Variants in KIAA1217 observed in about 807,000 individuals in gnomAD.
KIAA1217 encodes the protein KIAA1217.
Under a neutral mutation model 163.9 loss-of-function variants are expected in KIAA1217, and 88 were observed. The observed-to-expected ratio is 0.54, with a 90% confidence interval of 0.45 to 0.64. The LOEUF is 0.64. KIAA1217 is among the 30% of genes least tolerant of loss of function. The probability of loss-of-function intolerance (pLI) is 0.00; values close to 1 mark genes in which losing one functional copy is unlikely to be tolerated. For synonymous variants in KIAA1217, 903 were observed against 923.1 expected, an observed-to-expected ratio of 0.98 and a Z score of 0.39; for missense variants, 2,372 against 2,475.0, an observed-to-expected ratio of 0.96 and a Z score of 0.88.
chr10:23,861,880 A>G (rs1489570277), intron 1 of KIAA1217, among the ~76,000 whole-genome samples: 1 of 152,232 alleles, frequency 6.6e-6, no homozygotes, highest in Non-Finnish European at 1.5e-5. Flanking sequence ...AGAGAAATCA[A>G]TTGAGCCACC....
chr10:24,379,053 G>A (rs1200191937), intron 2 of KIAA1217, among the ~76,000 whole-genome samples: 1 of 152,096 alleles, frequency 6.6e-6, no homozygotes, highest in East Asian at 1.9e-4. Flanking sequence ...AAAAGGCAGA[G>A]GTTATAAATG....
At chr10:23,879,344 C>A (rs1433591636) in intron 1 of KIAA1217, among the ~76,000 whole-genome samples, 2 of 151,842 alleles carry the variant, frequency 1.3e-5, no homozygotes, top group Non-Finnish European at 2.9e-5. Flanking sequence ...ACTCTTAAGA[C>A]AGAGTACAAG....
intron 1 of KIAA1217, among the ~76,000 whole-genome samples, chr10:23,914,833 AGTCTT>A (rs764409958): frequency 6.6e-6 from 1 of 152,218 alleles, no homozygotes; most frequent in Non-Finnish European, 1.5e-5. Flanking sequence ...GCAAGCTGCC[AGTCTT>A]GATGTGCAAC....
chr10:23,829,132 T>C (rs953138338), intron 1 of KIAA1217, among the ~76,000 whole-genome samples: 3 of 152,144 alleles, frequency 2.0e-5, no homozygotes, highest in African/African-American at 7.2e-5. Flanking sequence ...ACAGCTAAGG[T>C]TGAATATCAC....
intron 2 of KIAA1217, among the ~76,000 whole-genome samples, chr10:24,237,264 C>T (rs1314641957): frequency 6.6e-6 from 1 of 152,202 alleles, no homozygotes; most frequent in Non-Finnish European, 1.5e-5. Flanking sequence ...GTCCTTATTG[C>T]TGGGATCCTT....
intron 8 of KIAA1217, among the ~76,000 whole-genome samples, chr10:24,499,504 A>T (rs918534719): frequency 8.5e-5 from 13 of 152,186 alleles, no homozygotes; most frequent in African/African-American, 2.9e-4. Flanking sequence ...AGGCCGAGGC[A>T]GGTGGATCAC....
At chr10:23,872,933 C>T (rs752228696) in intron 1 of KIAA1217, among the ~76,000 whole-genome samples, 1 of 151,996 alleles carries the variant, frequency 6.6e-6, no homozygotes, top group African/African-American at 2.4e-5. Context: ...GGTCAGGTTT[C>T]CCGTATTTTT....
intron 1 of KIAA1217, among the ~76,000 whole-genome samples, chr10:23,915,656 AG>A (rs1485368617): frequency 4.6e-5 from 7 of 152,206 alleles, no homozygotes; most frequent in Admixed American, 2.6e-4. Context: ...GGAAATCTAT[AG>A]CTATTCCAAA....
At chr10:24,290,770 T>G (rs1027432367) in intron 2 of KIAA1217, among the ~76,000 whole-genome samples, 5 of 151,984 alleles carry the variant, frequency 3.3e-5, no homozygotes, top group African/African-American at 1.2e-4. Flanking sequence ...GCCTGGCTAA[T>G]TTTTGTAATT....
chr10:24,024,968 A>G (rs1847879405), intron 2 of KIAA1217, among the ~76,000 whole-genome samples: 1 of 151,762 alleles, frequency 6.6e-6, no homozygotes, highest in Admixed American at 6.6e-5. Flanking sequence ...ATATGTCTCA[A>G]TCTATTTCTT....
At chr10:24,399,163 A>C (rs1012406102) in intron 3 of KIAA1217, among the ~76,000 whole-genome samples, 1 of 152,228 alleles carries the variant, frequency 6.6e-6, no homozygotes, top group African/African-American at 2.4e-5. Flanking sequence ...CATGTTCTTA[A>C]TACACTGCCT....
At chr10:24,088,274 T>TATATACACACACATACATAC (rs1285415158) in intron 2 of KIAA1217, among the ~76,000 whole-genome samples, 2 of 107,246 alleles carry the variant, frequency 1.9e-5, no homozygotes, top group African/African-American at 6.2e-5. Flanking sequence ...TATATATATA[T>TATATACACACACATACATAC]ACACACATAT....
intron 1 of KIAA1217, among the ~76,000 whole-genome samples, chr10:23,808,387 C>A (rs1836841034): frequency 1.3e-5 from 2 of 152,142 alleles, no homozygotes; most frequent in Admixed American, 1.3e-4. Flanking sequence ...AACATCAATT[C>A]AGGTTATTTA....
rs1267884340 is a variant in KIAA1217, at chr10:24,473,607, C to G, written c.1226C>G (p.Ser409Cys). ...GAGGGACGGATGAGCATAGCCTCAT[C>G]CCATGGTGGACACCCACTGGATGTC... ...YHEGRMSIAS[S>C]HGGHPLDVPD... Residue 409 changes from serine to cysteine, a missense_variant, in exon 6 of 21, where the codon TCC becomes TGC. Coordinates refer to ENST00000376454, the MANE Select transcript of KIAA1217 (RefSeq NM_019590.5). The G allele has an allele frequency of 1.9e-6, 3 of 1,614,142 alleles. No individual in the cohort carries two copies. The highest frequency in any genetic ancestry group is 1.7e-5 in the Admixed American group (1 of 60,016).
At chr10:23,938,156 C>T (rs1011916054) in intron 1 of KIAA1217, among the ~76,000 whole-genome samples, 4 of 152,114 alleles carry the variant, frequency 2.6e-5, no homozygotes, top group Non-Finnish European at 4.4e-5. Context: ...CAAAAGGTCA[C>T]GCAGAACTTT....
At chr10:24,071,663 C>T (rs12265124) in intron 2 of KIAA1217, among the ~76,000 whole-genome samples, 7 of 152,148 alleles carry the variant, frequency 4.6e-5, no homozygotes, top group Non-Finnish European at 8.8e-5. Context: ...TATGGATTCA[C>T]TCAGATGAAG....
At chr10:23,818,350 AAAT>A (rs1837460582) in intron 1 of KIAA1217, among the ~76,000 whole-genome samples, 1 of 126,986 alleles carries the variant, frequency 7.9e-6, no homozygotes, top group African/African-American at 3.3e-5. Context: ...ATATATAAAA[AAAT>A]ATATATATAT....
intron 1 of KIAA1217, among the ~76,000 whole-genome samples, chr10:23,826,038 G>T (rs1437707678): frequency 1.3e-5 from 2 of 152,136 alleles, no homozygotes; most frequent in Non-Finnish European, 2.9e-5. Flanking sequence ...TGGCCAGTAT[G>T]CTAGTATGTT....
At chr10:23,762,691 C>G (rs1309721682) in intron 1 of KIAA1217, among the ~76,000 whole-genome samples, 1 of 152,074 alleles carries the variant, frequency 6.6e-6, no homozygotes, top group East Asian at 1.9e-4. Context: ...GGAAGCATTC[C>G]CCTTGAAAAC....
Sources: allele counts gnomAD v4.1 joint callset (sites outside exome capture counted in the v4.1 genomes callset), GRCh38; gene constraint gnomAD v4.1.1; transcripts MANE v1.5; gene names NCBI Gene and HGNC (gene_info 2026-07-23, HGNC 2026-07-21).